POU6F2: variants seen among roughly 807,000 people sequenced by gnomAD.
POU6F2 encodes the protein POU domain, class 6, transcription factor 2.
Under a neutral mutation model 71.3 loss-of-function variants are expected in POU6F2, and 31 were observed. That is an observed-to-expected ratio of 0.43 (90% CI 0.33 to 0.59). The LOEUF (loss-of-function observed/expected upper bound fraction) is 0.59. Ranked by LOEUF, POU6F2 falls within the 20% of genes least tolerant of loss-of-function variation. The pLI is 0.04. For synonymous variants in POU6F2, 347 were observed against 355.7 expected, an observed-to-expected ratio of 0.98 and a Z score of 0.27; for missense variants, 783 against 856.8, an observed-to-expected ratio of 0.91 and a Z score of 1.07.
At chr7:39,438,661 G>T (rs1422155781) in intron 7 of POU6F2, among the ~76,000 whole-genome samples, 1 of 152,162 alleles carries the variant, frequency 6.6e-6, no homozygotes, top group African/African-American at 2.4e-5. Context: ...ATTCCTCAAG[G>T]ATCTAGAACT....
At chr7:39,221,384 C>CTCTTT (rs1554333308) in intron 4 of POU6F2, among the ~76,000 whole-genome samples, 3 of 86,332 alleles carry the variant, frequency 3.5e-5, no homozygotes, top group African/African-American at 4.8e-5. Context: ...CTCTCTCTCT[C>CTCTTT]TTTTTTTTTT....
At chr7:39,258,714 A>G (rs1784073364) in intron 4 of POU6F2, among the ~76,000 whole-genome samples, 1 of 129,910 alleles carries the variant, frequency 7.7e-6, no homozygotes, top group African/African-American at 2.7e-5. Flanking sequence ...AAAAAAAAAA[A>G]GAAGAAGAAG....
chr7:39,161,710 T>G (rs1793002446), intron 2 of POU6F2, among the ~76,000 whole-genome samples: 1 of 152,164 alleles, frequency 6.6e-6, no homozygotes. Context: ...CCCACAATTT[T>G]ATGATACAAA....
intron 1 of POU6F2, chr7:39,083,687 C>G (rs1791174688): frequency 1.3e-5 from 2 of 152,154 alleles, no homozygotes; most frequent in African/African-American, 4.8e-5. Context: ...GCAAATCTAT[C>G]ACTAGCAAAT....
chr7:39,136,604 GC>G (rs1792393641), intron 2 of POU6F2, among the ~76,000 whole-genome samples: 1 of 152,080 alleles, frequency 6.6e-6, no homozygotes, highest in Non-Finnish European at 1.5e-5. Context: ...TGTAAAATAG[GC>G]AATTTTAAAT....
chr7:39,057,275 C>G (rs1000936949), intron 1 of POU6F2, among the ~76,000 whole-genome samples: 2 of 152,068 alleles, frequency 1.3e-5, no homozygotes, highest in African/African-American at 4.8e-5. Context: ...CATTTTTATA[C>G]CACCATTCTA....
intron 2 of POU6F2, among the ~76,000 whole-genome samples, chr7:39,089,760 T>A (rs1319715977): frequency 6.6e-6 from 1 of 152,228 alleles, no homozygotes; most frequent in African/African-American, 2.4e-5. Context: ...AGTTTTCCCA[T>A]GCACTCTCAG....
intron 6 of POU6F2, among the ~76,000 whole-genome samples, chr7:39,416,984 G>A (rs993046978): frequency 2.0e-5 from 3 of 152,164 alleles, no homozygotes; most frequent in Non-Finnish European, 4.4e-5. Context: ...GATGGGAGTG[G>A]AAGCCATTTA....
chr7:39,448,849 A>G (rs1318929424), intron 7 of POU6F2, among the ~76,000 whole-genome samples: 1 of 152,256 alleles, frequency 6.6e-6, no homozygotes, highest in Non-Finnish European at 1.5e-5. Flanking sequence ...AGTATTTAGA[A>G]GGACAACTCA....
chr7:39,026,685 G>A (rs1789812422), intron 1 of POU6F2, among the ~76,000 whole-genome samples: 1 of 152,114 alleles, frequency 6.6e-6, no homozygotes, highest in South Asian at 2.1e-4. Context: ...CACCAGCATG[G>A]CACATGTATA....
chr7:39,099,908 A>G (rs1040460854), intron 2 of POU6F2, among the ~76,000 whole-genome samples: 1 of 152,178 alleles, frequency 6.6e-6, no homozygotes, highest in Non-Finnish European at 1.5e-5. Context: ...TCTGAACGTT[A>G]AGATCTCTTT....
Position 39,338,630 on chromosome 7 carries a change from G to C in POU6F2, c.599-1012G>C, listed in dbSNP as rs573160608. ...CTACACTTTCCTCTAAGGCCTGTGGGTTTGACATTGATCCTTATATGTTTA... is the reference window on the plus strand; with the variant it reads ...CTACACTTTCCTCTAAGGCCTGTGGCTTTGACATTGATCCTTATATGTTTA... On this transcript the variant is annotated intron_variant, in intron 4 of 9. Coordinates refer to ENST00000518318, the MANE Select transcript of POU6F2 (RefSeq NM_001370959.1). Among the ~76,000 whole-genome samples, 389 of 152,312 alleles carry C rather than the reference G, an allele frequency of 2.6e-3. 1 individual carries two copies. Among genetic ancestry groups the C allele is most frequent in the African/African-American group, 9.1e-3 (377 of 41,564 alleles).
intron 4 of POU6F2, among the ~76,000 whole-genome samples, chr7:39,234,570 A>G (rs1265627998): frequency 6.6e-6 from 1 of 152,178 alleles, no homozygotes; most frequent in Non-Finnish European, 1.5e-5. Context: ...TAAAGGAACA[A>G]GATCACAGTG....
chr7:39,169,641 A>G (rs991834681), intron 2 of POU6F2, among the ~76,000 whole-genome samples: 1 of 152,188 alleles, frequency 6.6e-6, no homozygotes, highest in African/African-American at 2.4e-5. Context: ...ATTCACTGTC[A>G]GATTGTGATT....
intron 4 of POU6F2, among the ~76,000 whole-genome samples, chr7:39,316,374 G>A (rs903765505): frequency 2.0e-5 from 3 of 151,954 alleles, no homozygotes; most frequent in African/African-American, 4.8e-5. Context: ...TGTGACACTC[G>A]TCCCCAACAT....
chr7:39,236,408 T>A (rs940288850), intron 4 of POU6F2, among the ~76,000 whole-genome samples: 1 of 152,284 alleles, frequency 6.6e-6, no homozygotes, highest in South Asian at 2.1e-4. Flanking sequence ...GCCTTCAGAT[T>A]GTGTTTGCAT....
intron 1 of POU6F2, among the ~76,000 whole-genome samples, chr7:39,010,342 TTG>T (rs1233509862): frequency 1.3e-5 from 2 of 148,218 alleles, no homozygotes; most frequent in African/African-American, 2.5e-5. Flanking sequence ...TGATGGTAGT[TTG>T]TATTTCTGTG....
chr7:39,002,334 G>GTTTTGTTGT (rs1348532661), intron 1 of POU6F2, among the ~76,000 whole-genome samples: 1 of 131,584 alleles, frequency 7.6e-6, no homozygotes, highest in African/African-American at 2.8e-5. Flanking sequence ...TGATTTACAA[G>GTTTTGTTGT]TTTTGTTGTT....
intron 1 of POU6F2, among the ~76,000 whole-genome samples, chr7:38,983,636 T>G (rs1788384269): frequency 6.6e-6 from 1 of 152,146 alleles, no homozygotes; most frequent in Admixed American, 6.6e-5. Context: ...TTCTTTTTAT[T>G]ATTTTCTTGT....
Sources: allele counts gnomAD v4.1 joint callset (sites outside exome capture counted in the v4.1 genomes callset), GRCh38; gene constraint gnomAD v4.1.1; transcripts MANE v1.5; gene names NCBI Gene and HGNC (gene_info 2026-07-23, HGNC 2026-07-21).